Variants in AGBL1 observed in about 807,000 individuals in gnomAD.
AGBL1 encodes the protein cytosolic carboxypeptidase 4.
In AGBL1, 130 loss-of-function variants were observed where a neutral mutation model predicts 118.9. The observed-to-expected ratio is 1.09, with a 90% confidence interval of 0.95 to 1.26. AGBL1 has a LOEUF of 1.26. AGBL1 is among the 50% of genes most tolerant of loss of function. The pLI, the probability that AGBL1 is intolerant of heterozygous loss-of-function variation, is 0.00. For synonymous variants in AGBL1, 555 were observed against 478.9 expected (o/e 1.16, Z -2.08); for missense variants, 1,584 against 1,298.1 (o/e 1.22, Z -3.38).
intron 5 of AGBL1, among the ~76,000 whole-genome samples, chr15:86,184,643 T>C (rs567039865): frequency 1.3e-5 from 2 of 152,296 alleles, no homozygotes; most frequent in East Asian, 3.9e-4. Context: ...CATAGTCCCA[T>C]ATTTCTTGGA....
chr15:86,226,512 G>A (rs2047351), intron 6 of AGBL1, among the ~76,000 whole-genome samples: 21,017 of 152,100 alleles, frequency 0.14, 1,880 homozygotes, highest in South Asian at 0.27. Context: ...TTGAGCTTAC[G>A]GTTGAGCATC....
At chr15:86,437,095 A>G (rs1048836504) in intron 18 of AGBL1, among the ~76,000 whole-genome samples, 1 of 152,010 alleles carries the variant, frequency 6.6e-6, no homozygotes, top group Non-Finnish European at 1.5e-5. Flanking sequence ...TGCTATCATC[A>G]GAGAGAGTGG....
chr15:86,759,852 C>A (rs776286512), intron 22 of AGBL1, among the ~76,000 whole-genome samples: 1 of 152,120 alleles, frequency 6.6e-6, no homozygotes, highest in African/African-American at 2.4e-5. Context: ...TTAAAAATCA[C>A]AAACACTCCC....
At chr15:86,601,644 G>A (rs1162991153) in intron 21 of AGBL1, among the ~76,000 whole-genome samples, 1 of 152,148 alleles carries the variant, frequency 6.6e-6, no homozygotes, top group Non-Finnish European at 1.5e-5. Flanking sequence ...TAAGAAGAAG[G>A]CACAAGTGGT....
chr15:86,393,020 G>A (rs943616266), intron 17 of AGBL1, among the ~76,000 whole-genome samples: 19 of 152,086 alleles, frequency 1.2e-4, no homozygotes, highest in Admixed American at 7.9e-4. Context: ...GAATGGTCTT[G>A]TAAGTTTAAC....
At chr15:86,669,518 T>C (rs146993946) in intron 21 of AGBL1, among the ~76,000 whole-genome samples, 1 of 152,158 alleles carries the variant, frequency 6.6e-6, no homozygotes, top group Admixed American at 6.6e-5. Context: ...AGATCATGGA[T>C]GACATTTTTC....
intron 5 of AGBL1, among the ~76,000 whole-genome samples, chr15:86,177,725 A>G (rs181537635): frequency 3.4e-4 from 52 of 152,344 alleles, no homozygotes; most frequent in Middle Eastern, 3.4e-3. Context: ...AAGTGAAACT[A>G]GAAAGTATCT....
chr15:86,821,135 TG>T (rs35609236), intron 22 of AGBL1, among the ~76,000 whole-genome samples: 1 of 151,286 alleles, frequency 6.6e-6, no homozygotes, highest in African/African-American at 2.4e-5. Context: ...AGAGAACACA[TG>T]GACACAGGGA....
Position 86,914,273 on chromosome 15 carries a change from T to C in AGBL1, c.*6979T>C, listed in dbSNP as rs888920974. 9 of 152,192 alleles carry C rather than the reference T, an allele frequency of 5.9e-5. No individual in the cohort carries two copies. The highest frequency in any genetic ancestry group is 2.2e-4 in the African/African-American group (9 of 41,446). The allele number at this position is 152,192 out of a possible 1,614,324, so 9.4% of individuals were successfully genotyped here. A position where few individuals can be genotyped will look rare whatever the true frequency, so the allele number is the denominator to read the frequency against. ...ACTTCATTCTGAAGAGGAAGTTATT[T>C]TGGGAGGTATTAGAGGAGGAAAAAT... On this transcript the variant is annotated 3_prime_UTR_variant, in exon 23 of 23. Coordinates refer to ENST00000614907, the MANE Select transcript of AGBL1 (RefSeq NM_001386094.1).
At chr15:86,738,212 A>G (rs2141229444) in intron 22 of AGBL1, among the ~76,000 whole-genome samples, 1 of 152,224 alleles carries the variant, frequency 6.6e-6, no homozygotes, top group East Asian at 1.9e-4. Context: ...TAATTTAAGC[A>G]TAGAAGGAAT....
At chr15:86,595,738 C>T (rs756204440) in intron 21 of AGBL1, among the ~76,000 whole-genome samples, 25 of 152,160 alleles carry the variant, frequency 1.6e-4, no homozygotes, top group Middle Eastern at 3.4e-3. Context: ...GCAGGGCTAG[C>T]GGAGTGATAG....
chr15:86,114,320 G>A (rs1472807989), intron 1 of AGBL1, among the ~76,000 whole-genome samples: 1 of 152,220 alleles, frequency 6.6e-6, no homozygotes, highest in African/African-American at 2.4e-5. Flanking sequence ...GCCTTGGCAA[G>A]GAGTCCAGAA....
intron 1 of AGBL1, among the ~76,000 whole-genome samples, chr15:86,114,337 A>G (rs568204493): frequency 1.3e-5 from 2 of 152,314 alleles, no homozygotes; most frequent in African/African-American, 4.8e-5. Flanking sequence ...AGAAGGAAGA[A>G]CTCAGAGGTG....
chr15:86,382,697 T>G (rs1348931550), intron 17 of AGBL1, among the ~76,000 whole-genome samples: 1 of 152,068 alleles, frequency 6.6e-6, no homozygotes, highest in African/African-American at 2.4e-5. Context: ...TTTCTTTTTA[T>G]TTTTCTCTGA....
At chr15:86,273,490 A>T (rs1409531486) in intron 15 of AGBL1, among the ~76,000 whole-genome samples, 1 of 152,224 alleles carries the variant, frequency 6.6e-6, no homozygotes, top group Non-Finnish European at 1.5e-5. Flanking sequence ...TGATGTAACA[A>T]CAGGGTAGAT....
chr15:86,636,748 T>C lies in AGBL1; in HGVS notation c.2995-37525T>C, dbSNP rs1405958675. Among the ~76,000 whole-genome samples, 272 of 59,912 alleles carry C rather than the reference T, an allele frequency of 4.5e-3. 8 individuals are homozygous for C. Among genetic ancestry groups the C allele is most frequent in the African/African-American group, 9.0e-3 (98 of 10,876 alleles). The allele number at this position is 59,912 out of a possible 152,430, so 39.3% of individuals were successfully genotyped here. ...ATATATATATATATATATATATATA[T>C]ATATATATATACACATACATACAGA... On this transcript the variant is annotated intron_variant, in intron 21 of 22. Transcript: ENST00000614907.
chr15:87,006,927 G>C lies in AGBL1; in HGVS notation c.3323+18839G>C, dbSNP rs141329463. 4.6e-3 allele frequency among the ~76,000 whole-genome samples: 701 copies of C among 152,250 alleles called. 7 individuals carry two copies. Among genetic ancestry groups the C allele is most frequent in the African/African-American group, 0.016 (673 of 41,534 alleles). ...TGTTTCATGGGTGAGGAGTGAGACA[G>C]GGGGTTGAGCTTTAAGTAGGATGGG... On this transcript the variant is annotated intron_variant, in intron 24 of 24. Coordinates refer to the AGBL1 transcript ENST00000441037.
chr15:86,788,725 GATA>G (rs2078449616), intron 22 of AGBL1, among the ~76,000 whole-genome samples: 1 of 152,126 alleles, frequency 6.6e-6, no homozygotes, highest in Admixed American at 6.5e-5. Flanking sequence ...GTTTTATAAG[GATA>G]ATGTCATGAA....
chr15:86,715,539 A>G (rs77588909), intron 22 of AGBL1, among the ~76,000 whole-genome samples: 1,818 of 152,292 alleles, frequency 0.012, 26 homozygotes, highest in East Asian at 0.067. Flanking sequence ...CAAATAGAAT[A>G]GTTACTGATT....
Sources: allele counts gnomAD v4.1 joint callset (sites outside exome capture counted in the v4.1 genomes callset), GRCh38; gene constraint gnomAD v4.1.1; transcripts MANE v1.5; gene names NCBI Gene and HGNC (gene_info 2026-07-23, HGNC 2026-07-21).